The following CNTN4 variants were observed in gnomAD, a reference collection of about 807,000 sequenced individuals.
CNTN4 encodes contactin-4.
In CNTN4, 77 loss-of-function variants were observed where a neutral mutation model predicts 122.5. The ratio of observed to expected loss-of-function variants is 0.63; its 90% CI spans 0.52 to 0.76. The LOEUF (loss-of-function observed/expected upper bound fraction) is 0.76, where lower values mean the gene tolerates loss of function less well. Among genes scored for constraint, CNTN4 ranks in the 30% least tolerant of loss-of-function variants. The probability of loss-of-function intolerance (pLI) is 0.00; values close to 1 mark genes in which losing one functional copy is unlikely to be tolerated. For synonymous variants in CNTN4, 512 were observed against 447.0 expected (o/e 1.15, Z -1.83); for missense variants, 1,256 against 1,259.1 (o/e 1.00, Z 0.04).
At position 2,733,538 on chromosome 3, in the gene CNTN4, T is replaced by TG. The variant is rs1309142604; in HGVS notation, c.56-2677_56-2676insG. Among the ~76,000 whole-genome samples, 273 of 137,850 alleles carry TG rather than the reference T, an allele frequency of 2.0e-3. 2 individuals carry two copies. The highest frequency in any genetic ancestry group is 2.6e-3 in the African/African-American group (97 of 37,102). The allele number at this position is 137,850 out of a possible 152,430, so 90.4% of individuals were successfully genotyped here. A position where few individuals can be genotyped will look rare whatever the true frequency, so the allele number is the denominator to read the frequency against. On this transcript the variant is annotated intron_variant, in intron 4 of 24. Transcript: ENST00000418658. ...TTTTAAAGTGCATGTTTGTGTTTTT[T>TG]TTTTTTTTTTTTTGAGACAGAGTCT...
intron 3 of CNTN4, among the ~76,000 whole-genome samples, chr3:2,459,010 T>C (rs1447496438): frequency 1.3e-5 from 2 of 152,170 alleles, no homozygotes; most frequent in African/African-American, 2.4e-5. Flanking sequence ...GCATTCTTTC[T>C]CAGCTGAAGC....
At chr3:2,456,058 G>A (rs1030184266) in intron 3 of CNTN4, among the ~76,000 whole-genome samples, 3 of 152,038 alleles carry the variant, frequency 2.0e-5, no homozygotes, top group African/African-American at 7.2e-5. Flanking sequence ...TATAATCTCT[G>A]TTGTACTATC....
At chr3:2,702,340 C>T (rs990966581) in intron 4 of CNTN4, among the ~76,000 whole-genome samples, 7 of 152,164 alleles carry the variant, frequency 4.6e-5, no homozygotes, top group African/African-American at 1.2e-4. Context: ...AAAGAACAAA[C>T]GAACACTGCA....
chr3:3,009,599 A>G (rs753380788), intron 14 of CNTN4, among the ~76,000 whole-genome samples: 83 of 151,778 alleles, frequency 5.5e-4, no homozygotes, highest in Non-Finnish European at 8.8e-4. Flanking sequence ...ACGCCCGGCT[A>G]ATTTTTTGTA....
chr3:2,598,069 G>A (rs189150021), intron 4 of CNTN4, among the ~76,000 whole-genome samples: 35 of 152,128 alleles, frequency 2.3e-4, no homozygotes, highest in Admixed American at 9.8e-4. Flanking sequence ...TTCCCTTACC[G>A]GGCTATTTTG....
chr3:2,385,355 A>G lies in CNTN4; in HGVS notation c.-89+46122A>G, dbSNP rs1296190995. Among the ~76,000 whole-genome samples, 1 of 152,056 alleles carries G rather than the reference A, an allele frequency of 6.6e-6. No homozygotes were observed. The highest frequency in any genetic ancestry group is 1.5e-5 in the Non-Finnish European group (1 of 68,024). On this transcript the variant is annotated intron_variant, in intron 3 of 24. Coordinates refer to ENST00000418658, the MANE Select transcript of CNTN4 (RefSeq NM_175607.3). The surrounding 1 kb of genome is among the most constrained non-coding windows in gnomAD (Gnocchi z 4.0). Reference sequence around the variant, plus strand: ...TGTTTATATTACTCTTGTTGCACTGAATAACCTATTAGCATACTTAAGGCA... The same window carrying G: ...TGTTTATATTACTCTTGTTGCACTGGATAACCTATTAGCATACTTAAGGCA...
chr3:2,380,667 T>C (rs957279599), intron 3 of CNTN4, among the ~76,000 whole-genome samples: 4 of 152,130 alleles, frequency 2.6e-5, no homozygotes, highest in Admixed American at 6.5e-5. Flanking sequence ...TATATCCAGA[T>C]TGGACTTGCT....
At chr3:2,131,742 A>G (rs2034460379) in intron 2 of CNTN4, among the ~76,000 whole-genome samples, 2 of 152,212 alleles carry the variant, frequency 1.3e-5, no homozygotes, top group South Asian at 4.1e-4. Context: ...ATCCATTTTA[A>G]GTTTACCACC....
At chr3:2,734,798 A>G (rs2088961816) in intron 4 of CNTN4, among the ~76,000 whole-genome samples, 1 of 152,048 alleles carries the variant, frequency 6.6e-6, no homozygotes, top group African/African-American at 2.4e-5. Context: ...CTATCAACAA[A>G]AGGCTGGTTA....
chr3:2,645,567 T>C (rs1040208957), intron 4 of CNTN4, among the ~76,000 whole-genome samples: 1 of 152,240 alleles, frequency 6.6e-6, no homozygotes, highest in African/African-American at 2.4e-5. Flanking sequence ...TGAATTCACA[T>C]TAGTAGTAAA....
At chr3:2,976,305 C>G (rs1382919715) in intron 13 of CNTN4, among the ~76,000 whole-genome samples, 1 of 152,166 alleles carries the variant, frequency 6.6e-6, no homozygotes, top group Non-Finnish European at 1.5e-5. Context: ...CTGAATCAAA[C>G]CAGGTTAAAC....
chr3:2,599,706 C>T (rs573818918), intron 4 of CNTN4, among the ~76,000 whole-genome samples: 2 of 152,268 alleles, frequency 1.3e-5, no homozygotes, highest in East Asian at 3.9e-4. Context: ...CCTAGCTAAA[C>T]AGTCAGAGAA....
intron 3 of CNTN4, among the ~76,000 whole-genome samples, chr3:2,526,252 ACT>A (rs1459703823): frequency 1.3e-5 from 2 of 152,072 alleles, no homozygotes; most frequent in African/African-American, 4.8e-5. Context: ...AACTGAGAAT[ACT>A]CTGTTTCAGA....
chr3:3,026,855 T>A (rs1263994142), intron 15 of CNTN4, among the ~76,000 whole-genome samples: 1 of 152,186 alleles, frequency 6.6e-6, no homozygotes, highest in South Asian at 2.1e-4. Context: ...TATATTATCA[T>A]TGAACACATA....
At chr3:2,134,718 A>T (rs1210213416) in intron 2 of CNTN4, among the ~76,000 whole-genome samples, 1 of 152,192 alleles carries the variant, frequency 6.6e-6, no homozygotes, top group Non-Finnish European at 1.5e-5. Context: ...GAACACCCTC[A>T]GTGCAAGGGG....
chr3:2,871,764 T>A (rs1325794407), intron 8 of CNTN4, among the ~76,000 whole-genome samples: 1 of 152,200 alleles, frequency 6.6e-6, no homozygotes, highest in Non-Finnish European at 1.5e-5. Context: ...GACATTTGCT[T>A]CGTTTCTTTT....
chr3:2,872,095 A>G (rs4530510), intron 8 of CNTN4, among the ~76,000 whole-genome samples: 139,398 of 152,050 alleles, frequency 0.92, 64,011 homozygotes, highest in East Asian at 0.97. Flanking sequence ...ATAAATAGTG[A>G]TGAGCCTGCT....
intron 3 of CNTN4, among the ~76,000 whole-genome samples, chr3:2,401,061 A>G (rs1315903863): frequency 1.3e-5 from 2 of 152,110 alleles, no homozygotes; most frequent in African/African-American, 4.8e-5. Flanking sequence ...TATGTATACC[A>G]GATACTGAAA....
At chr3:2,892,191 T>C (rs774392662) in intron 10 of CNTN4, 6 of 152,238 alleles carry the variant, frequency 3.9e-5, no homozygotes, top group Non-Finnish European at 8.8e-5. Context: ...GGAAGTCTTA[T>C]TACAACACAG....
Sources: gnomAD v4.1 joint callset for allele counts (sites outside exome capture counted in the v4.1 genomes callset) on GRCh38, gnomAD v4.1.1 for gene constraint, Gnocchi (gnomAD v3.1) non-coding constraint, MANE v1.5 for transcripts, NCBI Gene and HGNC (gene_info 2026-07-23, HGNC 2026-07-21) for gene names.